The following RPS6KA3 variants were observed in gnomAD, a reference collection of about 807,000 sequenced individuals.
The protein encoded by RPS6KA3 is ribosomal protein S6 kinase alpha-3.
Under a neutral mutation model 67.2 loss-of-function variants are expected in RPS6KA3, and 4 were observed. The ratio of observed to expected loss-of-function variants is 0.06; its 90% CI spans 0.03 to 0.14. RPS6KA3 has a LOEUF of 0.14. RPS6KA3 is among the 10% of genes least tolerant of loss of function. The pLI, the probability that RPS6KA3 is intolerant of heterozygous loss-of-function variation, is 1.00. For synonymous variants in RPS6KA3, 182 were observed against 183.7 expected, an observed-to-expected ratio of 0.99 and a Z score of 0.07; for missense variants, 204 against 559.0, an observed-to-expected ratio of 0.36 and a Z score of 6.40.
Position 20,155,486 on chromosome X carries a change from C to T in RPS6KA3, c.2135G>A (p.Arg712His), listed in dbSNP as rs1017565774. ...TGGTTCCAAAACTGGTGACTGATTA[C>T]GGTTCAAAGCAGAATATGTAGCTGC... Reference protein sequence around the residue: ...AMAATYSALNRNQSPVLEPVG... With the variant: ...AMAATYSALNHNQSPVLEPVG... Residue 712 changes from arginine to histidine, a missense_variant, in exon 22 of 22, where the codon CGT becomes CAT. Arg to His is a conservative substitution (Grantham distance 29). Coordinates refer to ENST00000379565, the MANE Select transcript of RPS6KA3 (RefSeq NM_004586.3). 4 of 1,210,115 alleles carry T rather than the reference C, an allele frequency of 3.3e-6. No individual in the cohort carries two copies. The highest frequency in any genetic ancestry group is 3.0e-5 in the East Asian group (1 of 33,843).
chrX:20,251,139 A>C (rs930297449), intron 1 of RPS6KA3, among the ~76,000 whole-genome samples: 9 of 111,066 alleles, frequency 8.1e-5, no homozygotes, highest in Admixed American at 5.7e-4. Flanking sequence ...TCTGGCATCC[A>C]TAGATGTTTT....
chrX:20,242,516 G>T (rs182948845), intron 1 of RPS6KA3, among the ~76,000 whole-genome samples: 3 of 111,330 alleles, frequency 2.7e-5, no homozygotes, highest in African/African-American at 9.8e-5. Flanking sequence ...TTCAAACCCA[G>T]ATCTTTTTAG....
At chrX:20,266,530 G>A (rs1198028897) in intron 1 of RPS6KA3, 34 bp downstream of exon 1, 3 of 1,106,891 alleles carry the variant, frequency 2.7e-6, no homozygotes, top group African/African-American at 1.8e-5. Context: ...GCGAGGAGGA[G>A]ATGCGCCGGC....
At chrX:20,208,708 C>A (rs1327978039) in intron 3 of RPS6KA3, among the ~76,000 whole-genome samples, 4 of 111,547 alleles carry the variant, frequency 3.6e-5, no homozygotes, top group Non-Finnish European at 7.5e-5. Flanking sequence ...ACAGAGGAGG[C>A]AGACCCTGCC....
At chrX:20,258,164 G>A (rs1004846619) in intron 1 of RPS6KA3, among the ~76,000 whole-genome samples, 1 of 111,715 alleles carries the variant, frequency 9.0e-6, no homozygotes, top group African/African-American at 3.3e-5. Flanking sequence ...CAACATGGTA[G>A]CCAATAGCCA....
intron 15 of RPS6KA3, 37 bp from the exon 16 acceptor site, chrX:20,169,528 T>C (rs766074409): frequency 7.4e-6 from 6 of 812,359 alleles, no homozygotes; most frequent in South Asian, 2.0e-5. Context: ...CCTCATCAAC[T>C]ATACAGTTAT....
Position 20,266,612 on chromosome X carries a change from C to G in RPS6KA3, c.21G>C (p.Ala7=). The G allele has an allele frequency of 3.5e-6, 4 of 1,148,267 alleles. No individual in the cohort carries two copies. Among genetic ancestry groups the G allele is most frequent in the Non-Finnish European group, 4.6e-6 (4 of 867,194 alleles). The allele number at this position is 1,148,267 out of a possible 1,213,427, so 94.6% of individuals were successfully genotyped here. Residue 7 remains alanine (A), a synonymous_variant, in exon 1 of 22, where the codon GCG becomes GCC. Coordinates refer to ENST00000379565, the MANE Select transcript of RPS6KA3 (RefSeq NM_004586.3). ...CCACAGCCATCTTCTGCCACGGGTCCGCCAGCTGCGCCAGCGGCATCTTCC... is the reference window on the plus strand; with the variant it reads ...CCACAGCCATCTTCTGCCACGGGTCGGCCAGCTGCGCCAGCGGCATCTTCC... The part of the protein sequence containing the change: MPLAQL[A]DPWQKMAVES...
intron 21 of RPS6KA3, 123 bp downstream of exon 21, chrX:20,155,986 A>G: frequency 2.5e-6 from 2 of 784,976 alleles, no homozygotes; most frequent in Admixed American, 2.2e-5. Context: ...ACCCACTGTA[A>G]GAGAATCCCA....
At chrX:20,205,149 A>G (rs1186568297) in intron 3 of RPS6KA3, among the ~76,000 whole-genome samples, 1 of 112,410 alleles carries the variant, frequency 8.9e-6, no homozygotes, top group Non-Finnish European at 1.9e-5. Flanking sequence ...ACTCATGGTC[A>G]TTCTATAACA....
At chrX:20,216,943 T>C (rs1003545063) in intron 2 of RPS6KA3, among the ~76,000 whole-genome samples, 5 of 112,179 alleles carry the variant, frequency 4.5e-5, no homozygotes, top group African/African-American at 6.5e-5. Flanking sequence ...GGGCCAGGTA[T>C]TGTACTAGGT....
chrX:20,265,311 A>T (rs1479302289), intron 1 of RPS6KA3, among the ~76,000 whole-genome samples: 1 of 111,791 alleles, frequency 8.9e-6, no homozygotes, highest in East Asian at 2.8e-4. Context: ...ATACCGGAGA[A>T]TGCAAGTGTC....
intron 1 of RPS6KA3, among the ~76,000 whole-genome samples, chrX:20,258,629 G>T (rs1438155177): frequency 1.8e-5 from 2 of 111,990 alleles, no homozygotes; most frequent in East Asian, 2.8e-4. Flanking sequence ...TTGAAGATGA[G>T]ATTATCACCA....
intron 10 of RPS6KA3, among the ~76,000 whole-genome samples, chrX:20,184,694 G>A (rs1248388582): frequency 9.0e-6 from 1 of 111,501 alleles, no homozygotes; most frequent in East Asian, 2.8e-4. Flanking sequence ...TTATAGGCAT[G>A]AGCCACCATG....
chrX:20,247,441 T>C (rs2069722021), intron 1 of RPS6KA3, among the ~76,000 whole-genome samples: 1 of 111,238 alleles, frequency 9.0e-6, no homozygotes, highest in South Asian at 3.7e-4. Context: ...TGTTAAGTTT[T>C]AACTGCTCAC....
chrX:20,241,842 T>C, intron 1 of RPS6KA3, among the ~76,000 whole-genome samples: 1 of 112,040 alleles, frequency 8.9e-6, no homozygotes. Context: ...AAGAATTTTA[T>C]ACCTCATTCT....
intron 15 of RPS6KA3, among the ~76,000 whole-genome samples, chrX:20,172,174 G>A (rs761114561): frequency 3.8e-4 from 43 of 112,451 alleles, no homozygotes; most frequent in Admixed American, 3.7e-3. Context: ...GAAGTGAAAA[G>A]AGACTTGAAC....
intron 1 of RPS6KA3, chrX:20,265,962 G>A (rs2070366798): frequency 9.0e-6 from 1 of 110,763 alleles, no homozygotes; most frequent in African/African-American, 3.3e-5. Flanking sequence ...GAAACGGAGG[G>A]GGTAGGGGAC....
chrX:20,263,301 T>C (rs762758898), intron 1 of RPS6KA3, among the ~76,000 whole-genome samples: 2 of 112,073 alleles, frequency 1.8e-5, no homozygotes, highest in Non-Finnish European at 3.8e-5. Context: ...GGCAAAGAAT[T>C]TGTACAACAG....
intron 3 of RPS6KA3, among the ~76,000 whole-genome samples, chrX:20,206,900 C>T (rs745897430): frequency 8.9e-6 from 1 of 111,766 alleles, no homozygotes; most frequent in East Asian, 2.8e-4. Flanking sequence ...TAAGGACCAA[C>T]AAAGGCAGCC....
Sources: gnomAD v4.1 joint callset for allele counts (sites outside exome capture counted in the v4.1 genomes callset) on GRCh38, gnomAD v4.1.1 for gene constraint, MANE v1.5 for transcripts, NCBI Gene and HGNC (gene_info 2026-07-23, HGNC 2026-07-21) for gene names.